TSPAN5: variants seen among roughly 807,000 people sequenced by gnomAD.
TSPAN5 encodes the protein tetraspanin 5.
In TSPAN5, 10 loss-of-function variants were observed where a neutral mutation model predicts 37.1. The ratio of observed to expected loss-of-function variants is 0.27; its 90% CI spans 0.17 to 0.46. TSPAN5 has a LOEUF of 0.46. Among genes scored for constraint, TSPAN5 ranks in the 20% least tolerant of loss-of-function variants. TSPAN5 has a pLI of 1.00. For synonymous variants in TSPAN5, 110 were observed against 118.9 expected, an observed-to-expected ratio of 0.93 and a Z score of 0.48; for missense variants, 195 against 326.6, an observed-to-expected ratio of 0.60 and a Z score of 3.11.
chr4:98,560,733 A>G (rs1009388820), intron 1 of TSPAN5, among the ~76,000 whole-genome samples: 1 of 152,242 alleles, frequency 6.6e-6, no homozygotes, highest in Non-Finnish European at 1.5e-5. Context: ...GGGGAGCACA[A>G]TAAACTAAAC....
Position 98,590,332 on chromosome 4 carries a change from C to T in TSPAN5, c.81+67814G>A, listed in dbSNP as rs565439463. Among the ~76,000 whole-genome samples the T allele has an allele frequency of 2.0e-5, 3 of 152,294 alleles. No individual in the cohort carries two copies. In the South Asian group the frequency reaches 6.2e-4, roughly 32 times the overall value. On this transcript the variant is annotated intron_variant, in intron 1 of 7. Coordinates refer to ENST00000305798, the MANE Select transcript of TSPAN5 (RefSeq NM_005723.4). ...GATGTGCCAGGCACAACACCTATGA[C>T]TCTCACTTATTTCATCTCATCTAAT...
At chr4:98,552,685 G>C (rs1046789989) in intron 1 of TSPAN5, among the ~76,000 whole-genome samples, 1 of 152,156 alleles carries the variant, frequency 6.6e-6, no homozygotes, top group African/African-American at 2.4e-5. Flanking sequence ...TTTTCAAAGA[G>C]AGACTCATTT....
chr4:98,475,890 TG>T (rs1752683164), intron 7 of TSPAN5, among the ~76,000 whole-genome samples: 1 of 151,824 alleles, frequency 6.6e-6, no homozygotes, highest in African/African-American at 2.4e-5. Context: ...CTCGGGAGGC[TG>T]AGGCAGGAGA....
chr4:98,645,944 G>A (rs1033480548), intron 1 of TSPAN5, among the ~76,000 whole-genome samples: 1 of 152,054 alleles, frequency 6.6e-6, no homozygotes, highest in Non-Finnish European at 1.5e-5. Context: ...CCCCTTGAAG[G>A]GCTGGGGTTT....
At position 98,476,297 on chromosome 4, in the gene TSPAN5, G is replaced by A. The variant is rs1399297825; in HGVS notation, c.633C>T (p.Asp211=). ...GYDARQKPEV[D]QQIVIYTKGC... ...CTTTCGTGTAGATTACAATCTGCTGGTCAACTTCCTTCACAAGAGAAGAGG... is the reference window on the plus strand; with the variant it reads ...CTTTCGTGTAGATTACAATCTGCTGATCAACTTCCTTCACAAGAGAAGAGG... Residue 211 remains aspartate (D), a synonymous_variant, in exon 7 of 8, where the codon GAC becomes GAT. Coordinates refer to ENST00000305798, the MANE Select transcript of TSPAN5 (RefSeq NM_005723.4). The A allele has an allele frequency of 6.2e-7, 1 of 1,613,972 alleles. No homozygotes were observed. Among genetic ancestry groups the A allele is most frequent in the East Asian group, 2.2e-5 (1 of 44,848 alleles).
At chr4:98,584,299 T>C (rs1425994289) in intron 1 of TSPAN5, among the ~76,000 whole-genome samples, 1 of 152,208 alleles carries the variant, frequency 6.6e-6, no homozygotes, top group African/African-American at 2.4e-5. Flanking sequence ...GGGAAAGTTA[T>C]TCAATCATTC....
At chr4:98,590,989 C>T (rs1755619224) in intron 1 of TSPAN5, among the ~76,000 whole-genome samples, 2 of 152,052 alleles carry the variant, frequency 1.3e-5, no homozygotes, top group Admixed American at 1.3e-4. Flanking sequence ...AGTAGGAAAC[C>T]AACTTCCCTA....
At chr4:98,512,989 G>A (rs114333792) in intron 1 of TSPAN5, among the ~76,000 whole-genome samples, 90 of 152,292 alleles carry the variant, frequency 5.9e-4, no homozygotes, top group African/African-American at 2.1e-3. Flanking sequence ...AGGGGGATTT[G>A]ACCTGGAGGG....
rs1441579034 is a variant in TSPAN5 at position 98,472,469 on chromosome 4, G to C, written c.*53C>G. Reference sequence around the variant, plus strand: ...TCGAAGATCAGTTCGGCACGCGGGAGGGTCCCGAAAGCTGGGTCTGTCCAG... The same window carrying C: ...TCGAAGATCAGTTCGGCACGCGGGACGGTCCCGAAAGCTGGGTCTGTCCAG... On this transcript the variant is annotated 3_prime_UTR_variant, in exon 8 of 8. Transcript: ENST00000305798. 80 of 1,548,280 alleles carry C rather than the reference G, an allele frequency of 5.2e-5. No individual in the cohort carries two copies. Among genetic ancestry groups the C allele is most frequent in the Non-Finnish European group, 6.7e-5 (75 of 1,123,600 alleles).
intron 2 of TSPAN5, among the ~76,000 whole-genome samples, chr4:98,500,524 G>A (rs1034802136): frequency 6.6e-6 from 1 of 152,176 alleles, no homozygotes; most frequent in African/African-American, 2.4e-5. Flanking sequence ...AATGGAGGAT[G>A]ACAGGGGACT....
intron 1 of TSPAN5, among the ~76,000 whole-genome samples, chr4:98,520,495 T>A (rs572003803): frequency 2.2e-4 from 33 of 152,264 alleles, no homozygotes; most frequent in African/African-American, 7.9e-4. Context: ...ATCCGTTACC[T>A]TACGTAGGAG....
chr4:98,516,184 G>A (rs964811900), intron 1 of TSPAN5, among the ~76,000 whole-genome samples: 4 of 152,268 alleles, frequency 2.6e-5, no homozygotes, highest in African/African-American at 9.6e-5. Flanking sequence ...GCTCCTGTAC[G>A]CATATTTGTG....
chr4:98,616,963 A>G (rs987717208), intron 1 of TSPAN5, among the ~76,000 whole-genome samples: 30 of 150,722 alleles, frequency 2.0e-4, no homozygotes, highest in Non-Finnish European at 3.4e-4. Context: ...AGCTGGGACT[A>G]CAAGTGTGCA....
chr4:98,484,587 T>C (rs1752921178), intron 3 of TSPAN5: 2 of 455,876 alleles, frequency 4.4e-6, no homozygotes, highest in Non-Finnish European at 8.8e-6. Flanking sequence ...CAGTTAACAC[T>C]GGACTCTTCA....
At chr4:98,528,729 T>C (rs892612107) in intron 1 of TSPAN5, among the ~76,000 whole-genome samples, 1 of 152,144 alleles carries the variant, frequency 6.6e-6, no homozygotes. Flanking sequence ...TTCAATCAGG[T>C]AGAAATGAAA....
At chr4:98,486,091 C>T (rs1055353247) in intron 3 of TSPAN5, among the ~76,000 whole-genome samples, 4 of 152,146 alleles carry the variant, frequency 2.6e-5, no homozygotes, top group Non-Finnish European at 4.4e-5. Context: ...TCCTTTGAAA[C>T]GAGTCTCCAA....
At chr4:98,497,414 G>A (rs1560512810) in intron 2 of TSPAN5, among the ~76,000 whole-genome samples, 1 of 152,088 alleles carries the variant, frequency 6.6e-6, no homozygotes, top group East Asian at 1.9e-4. Flanking sequence ...CAAACCGAGG[G>A]CCCTCGCCAG....
At chr4:98,606,914 G>A (rs545148903) in intron 1 of TSPAN5, among the ~76,000 whole-genome samples, 1 of 152,284 alleles carries the variant, frequency 6.6e-6, no homozygotes, top group South Asian at 2.1e-4. Context: ...GAAGGTGAAA[G>A]AAAGAGTACT....
rs147183422 is a variant in TSPAN5 at position 98,602,749 on chromosome 4, A to T, written c.81+55397T>A. ...AGGAAAGCAAGCTGATTAAATAGACATTTATGCAAGGGACTGGTAACCCCT... is the reference window on the plus strand; with the variant it reads ...AGGAAAGCAAGCTGATTAAATAGACTTTTATGCAAGGGACTGGTAACCCCT... On this transcript the variant is annotated intron_variant, in intron 1 of 7. Transcript: ENST00000305798. Among the ~76,000 whole-genome samples, 86 of 152,368 alleles carry T rather than the reference A, an allele frequency of 5.6e-4. 1 individual carries two copies. The East Asian group carries it at 0.014, about 25-fold the overall frequency.
Sources: gnomAD v4.1 joint callset for allele counts (sites outside exome capture counted in the v4.1 genomes callset) on GRCh38, gnomAD v4.1.1 for gene constraint, MANE v1.5 for transcripts, NCBI Gene and HGNC (gene_info 2026-07-23, HGNC 2026-07-21) for gene names.